Variants in VTI1A observed in about 807,000 individuals in gnomAD.
The protein encoded by VTI1A is vesicle transport through interaction with t-SNAREs 1A.
VTI1A carries 22 observed loss-of-function variants against 34.9 expected under a neutral mutation model. That is an observed-to-expected ratio of 0.63 (90% CI 0.45 to 0.90). The LOEUF is 0.90. Ranked by LOEUF, VTI1A falls within the 40% of genes least tolerant of loss-of-function variation. The pLI is 0.00. For synonymous variants in VTI1A, 87 were observed against 97.3 expected, an observed-to-expected ratio of 0.89 and a Z score of 0.62; for missense variants, 268 against 275.6, an observed-to-expected ratio of 0.97 and a Z score of 0.20.
intron 3 of VTI1A, among the ~76,000 whole-genome samples, chr10:112,513,520 C>A (rs1589848815): frequency 6.6e-6 from 1 of 151,890 alleles, no homozygotes; most frequent in Non-Finnish European, 1.5e-5. Context: ...TGTTAGGATT[C>A]CTTTAATTGT....
intron 5 of VTI1A, among the ~76,000 whole-genome samples, chr10:112,590,574 C>T: frequency 6.6e-6 from 1 of 151,704 alleles, no homozygotes; most frequent in African/African-American, 2.4e-5. Flanking sequence ...CCCAGCTACT[C>T]AGGAGGCTGA....
At chr10:112,724,707 G>T (rs1849942676) in intron 7 of VTI1A, among the ~76,000 whole-genome samples, 1 of 151,438 alleles carries the variant, frequency 6.6e-6, no homozygotes, top group Non-Finnish European at 1.5e-5. Context: ...CTATAGATAA[G>T]GGTTGTGTTT....
intron 7 of VTI1A, among the ~76,000 whole-genome samples, chr10:112,808,580 G>GC (rs1853168661): frequency 6.7e-6 from 1 of 149,560 alleles, no homozygotes; most frequent in African/African-American, 2.5e-5. Context: ...AGCTGAGATT[G>GC]CGCCACTGCA....
chr10:112,582,238 G>A (rs1406169901), intron 5 of VTI1A, among the ~76,000 whole-genome samples: 1 of 152,120 alleles, frequency 6.6e-6, no homozygotes, highest in African/African-American at 2.4e-5. Context: ...CTCTTCTTAT[G>A]CGGGCACTAA....
At chr10:112,505,405 T>C (rs889217752) in intron 3 of VTI1A, among the ~76,000 whole-genome samples, 10 of 152,204 alleles carry the variant, frequency 6.6e-5, no homozygotes, top group African/African-American at 2.2e-4. Context: ...ATTTTTGAGA[T>C]ATACAATTAT....
chr10:112,746,218 C>T (rs965894890), intron 7 of VTI1A, among the ~76,000 whole-genome samples: 1 of 152,232 alleles, frequency 6.6e-6, no homozygotes, highest in Non-Finnish European at 1.5e-5. Context: ...ACTGCCTCTA[C>T]TCCACCCATG....
chr10:112,482,602 A>C (rs886872788), intron 3 of VTI1A, among the ~76,000 whole-genome samples: 1 of 152,170 alleles, frequency 6.6e-6, no homozygotes, highest in African/African-American at 2.4e-5. Context: ...ATTTATTTAA[A>C]ATAGTCTCTT....
At chr10:112,695,255 G>C (rs1298590763) in intron 7 of VTI1A, among the ~76,000 whole-genome samples, 1 of 151,992 alleles carries the variant, frequency 6.6e-6, no homozygotes, top group Non-Finnish European at 1.5e-5. Context: ...CATTTAAAAA[G>C]TTCAATATTT....
At chr10:112,448,770 G>A (rs1246439423) in intron 1 of VTI1A, 1 of 152,074 alleles carries the variant, frequency 6.6e-6, no homozygotes, top group Middle Eastern at 3.4e-3. Context: ...CCGGACCTAA[G>A]TTGTCATTCC....
Position 112,516,399 on chromosome 10 carries a change from T to C in VTI1A, c.265-10688T>C, listed in dbSNP as rs556685429. Among the ~76,000 whole-genome samples, 6 of 152,222 alleles carry C rather than the reference T, an allele frequency of 3.9e-5. No individual in the cohort carries two copies. The East Asian group carries it at 9.6e-4, about 24-fold the overall frequency. On this transcript the variant is annotated intron_variant, in intron 3 of 7. Coordinates refer to ENST00000393077, the MANE Select transcript of VTI1A (RefSeq NM_145206.4). ...TTGCTTACCATTTTCCCATAGTATATTGGCTTTTGTTGAATATATTTGCTT... is the reference window on the plus strand; with the variant it reads ...TTGCTTACCATTTTCCCATAGTATACTGGCTTTTGTTGAATATATTTGCTT...
the VTI1A span, among the ~76,000 whole-genome samples, chr10:112,852,773 T>G: frequency 6.6e-6 from 1 of 152,116 alleles, no homozygotes; most frequent in Non-Finnish European, 1.5e-5. Flanking sequence ...GGTTTTGTTT[T>G]GTTTTGTTTG....
At chr10:112,822,451 G>C (rs1853671046), downstream of VTI1A, among the ~76,000 whole-genome samples, 1 of 152,204 alleles carries the variant, frequency 6.6e-6, no homozygotes, top group Admixed American at 6.5e-5. Flanking sequence ...AACCCTGGGG[G>C]CAGGAAAATT....
At chr10:112,556,893 A>G (rs2028783) in intron 5 of VTI1A, among the ~76,000 whole-genome samples, 20,653 of 151,976 alleles carry the variant, frequency 0.14, 2,330 homozygotes, top group African/African-American at 0.29. Flanking sequence ...CAGCTGGCAT[A>G]AGCCTTGGAG....
intron 7 of VTI1A, among the ~76,000 whole-genome samples, chr10:112,765,947 G>C (rs1238609690): frequency 6.6e-6 from 1 of 152,166 alleles, no homozygotes; most frequent in East Asian, 1.9e-4. Flanking sequence ...AAGGCAGGTT[G>C]ATGAAAAAGT....
intron 5 of VTI1A, among the ~76,000 whole-genome samples, chr10:112,622,535 A>G (rs983706432): frequency 6.6e-6 from 1 of 152,044 alleles, no homozygotes; most frequent in African/African-American, 2.4e-5. Flanking sequence ...GTATTTCTTT[A>G]TAATGGATTA....
chr10:112,669,128 T>C (rs1030501555), intron 7 of VTI1A, 130 bp downstream of exon 7: 3 of 975,168 alleles, frequency 3.1e-6, no homozygotes, highest in African/African-American at 1.7e-5. Flanking sequence ...CAGGACCCAT[T>C]TGAAATAACA....
At chr10:112,794,288 G>A (rs1852594371) in intron 7 of VTI1A, among the ~76,000 whole-genome samples, 1 of 152,144 alleles carries the variant, frequency 6.6e-6, no homozygotes, top group Non-Finnish European at 1.5e-5. Context: ...CAGGCGCATT[G>A]GCTCATGCCT....
Position 112,564,652 on chromosome 10 carries a change from C to A in VTI1A, c.427+26322C>A, listed in dbSNP as rs1306786151. Among the ~76,000 whole-genome samples the A allele has an allele frequency of 2.0e-5, 3 of 151,882 alleles. No homozygotes were observed. The East Asian group carries it at 5.8e-4, about 29-fold the overall frequency. ...ATGGGTGCAAATTTTGAATATGGTT[C>A]TTTTCTCTGTTAGAATTAGCAGCCA... On this transcript the variant is annotated intron_variant, in intron 5 of 7. Transcript: ENST00000393077.
intron 5 of VTI1A, among the ~76,000 whole-genome samples, chr10:112,553,848 G>T (rs868075138): frequency 5.3e-5 from 8 of 152,228 alleles, no homozygotes; most frequent in Non-Finnish European, 1.2e-4. Context: ...TACTAAGAAA[G>T]AGGGAGAACA....
Sources: allele counts gnomAD v4.1 joint callset (sites outside exome capture counted in the v4.1 genomes callset), GRCh38; gene constraint gnomAD v4.1.1; transcripts MANE v1.5; gene names NCBI Gene and HGNC (gene_info 2026-07-23, HGNC 2026-07-21).